The following NEDD4L variants were observed in gnomAD, a reference collection of about 807,000 sequenced individuals.
NEDD4L encodes E3 ubiquitin-protein ligase NEDD4-like.
Under a neutral mutation model 148.9 loss-of-function variants are expected in NEDD4L, and 54 were observed. That is an observed-to-expected ratio of 0.36 (90% CI 0.29 to 0.45). NEDD4L has a LOEUF of 0.45. Ranked by LOEUF, NEDD4L falls within the 20% of genes least tolerant of loss-of-function variation. NEDD4L has a pLI of 1.00. For missense variants in NEDD4L, 856 were observed against 1,233.8 expected (o/e 0.69, Z 4.59); for synonymous variants, 433 against 440.7 (o/e 0.98, Z 0.22).
intron 5 of NEDD4L, among the ~76,000 whole-genome samples, chr18:58,303,100 T>C (rs1289370984): frequency 6.6e-6 from 1 of 152,150 alleles, no homozygotes; most frequent in Non-Finnish European, 1.5e-5. Context: ...CCTGGTGGGT[T>C]TTCCAAATGG....
intron 1 of NEDD4L, among the ~76,000 whole-genome samples, chr18:58,068,474 C>T (rs914816638): frequency 2.0e-5 from 3 of 152,198 alleles, no homozygotes; most frequent in South Asian, 2.1e-4. Flanking sequence ...GCTGGGATTA[C>T]AGGCATGAGC....
At chr18:58,112,989 C>T (rs2085513382) in intron 1 of NEDD4L, among the ~76,000 whole-genome samples, 1 of 152,148 alleles carries the variant, frequency 6.6e-6, no homozygotes, top group South Asian at 2.1e-4. Context: ...CTCCTTCTAC[C>T]ATGTGAGGAT....
At chr18:58,103,513 A>G (rs2084896809) in intron 1 of NEDD4L, among the ~76,000 whole-genome samples, 2 of 152,262 alleles carry the variant, frequency 1.3e-5, no homozygotes, top group South Asian at 2.1e-4. Context: ...TCCGTGGCCA[A>G]TCACAGCACT....
At chr18:58,221,011 A>G (rs914104397) in intron 2 of NEDD4L, among the ~76,000 whole-genome samples, 2 of 152,150 alleles carry the variant, frequency 1.3e-5, no homozygotes. Flanking sequence ...GCAGATTTAC[A>G]GGGCGGGGCT....
intron 1 of NEDD4L, among the ~76,000 whole-genome samples, chr18:58,148,963 A>G (rs2034395363): frequency 6.6e-6 from 1 of 152,220 alleles, no homozygotes; most frequent in African/African-American, 2.4e-5. Context: ...ATGATACACT[A>G]CTGGTGCCTC....
At chr18:58,100,865 G>T (rs868625653) in intron 1 of NEDD4L, among the ~76,000 whole-genome samples, 1 of 152,188 alleles carries the variant, frequency 6.6e-6, no homozygotes, top group African/African-American at 2.4e-5. Flanking sequence ...GGAGTGCAGT[G>T]GTGCGAATAT....
At chr18:58,391,720 C>T (rs2049857127) in intron 30 of NEDD4L, among the ~76,000 whole-genome samples, 161 bp downstream of exon 30, 1 of 152,186 alleles carries the variant, frequency 6.6e-6, no homozygotes, top group Non-Finnish European at 1.5e-5. Flanking sequence ...TACAGTAGTG[C>T]TAATAAGACA....
chr18:58,217,876 A>G (rs1268464776), intron 2 of NEDD4L, among the ~76,000 whole-genome samples: 3 of 152,204 alleles, frequency 2.0e-5, no homozygotes. Context: ...TGCTTTTTAA[A>G]CTATTTTATG....
intron 5 of NEDD4L, among the ~76,000 whole-genome samples, chr18:58,252,497 G>A (rs1167866863): frequency 1.3e-5 from 2 of 152,098 alleles, no homozygotes; most frequent in African/African-American, 4.8e-5. Context: ...AATTAACAAC[G>A]TATAGCAAAA....
rs12959491 is a variant in NEDD4L at position 58,377,220 on chromosome 18, G to A, written c.2352+3951G>A. On this transcript the variant is annotated intron_variant, in intron 24 of 30. Coordinates refer to ENST00000400345, the MANE Select transcript of NEDD4L (RefSeq NM_001144967.3). Reference sequence around the variant, plus strand: ...AAATCTAGGTGTTAGCATGATGCCCGGACAAGCCTCTCACCTCTTTGGCCC... The same window carrying A: ...AAATCTAGGTGTTAGCATGATGCCCAGACAAGCCTCTCACCTCTTTGGCCC... 3.4e-3 allele frequency among the ~76,000 whole-genome samples: 510 copies of A among 152,194 alleles called. 8 individuals are homozygous for A. The highest frequency in any genetic ancestry group is 4.5e-3 in the Non-Finnish European group (306 of 68,022).
intron 5 of NEDD4L, among the ~76,000 whole-genome samples, chr18:58,312,773 C>G (rs2057849224): frequency 6.6e-6 from 1 of 152,170 alleles, no homozygotes; most frequent in African/African-American, 2.4e-5. Context: ...CTCCGCCTCC[C>G]GGGTTCAAGC....
At chr18:58,093,534 A>C (rs1599220219) in intron 1 of NEDD4L, among the ~76,000 whole-genome samples, 1 of 152,054 alleles carries the variant, frequency 6.6e-6, no homozygotes, top group South Asian at 2.1e-4. Flanking sequence ...AACATCTCCC[A>C]CCCCACCCAA....
chr18:58,334,057 C>T, intron 12 of NEDD4L, 165 bp downstream of exon 12: 1 of 495,284 alleles, frequency 2.0e-6, no homozygotes, highest in South Asian at 4.5e-5. Context: ...ATTTCCAATA[C>T]AGAGAATTGT....
intron 1 of NEDD4L, among the ~76,000 whole-genome samples, chr18:58,059,866 A>T (rs1371361033): frequency 6.6e-6 from 1 of 152,214 alleles, no homozygotes; most frequent in East Asian, 1.9e-4. Flanking sequence ...TCGAAATAAC[A>T]TGTACATGAC....
chr18:58,394,764 G>A (rs1381996516), intron 30 of NEDD4L, among the ~76,000 whole-genome samples: 1 of 152,218 alleles, frequency 6.6e-6, no homozygotes, highest in Non-Finnish European at 1.5e-5. Context: ...TCTACGGTAT[G>A]TGTTTCTTTT....
chr18:58,245,637 T>C (rs2047160597), intron 3 of NEDD4L, 129 bp downstream of exon 3: 1 of 449,530 alleles, frequency 2.2e-6, no homozygotes, highest in Admixed American at 4.0e-5. Flanking sequence ...CGTGAGATTA[T>C]AATGGAGCTG....
intron 2 of NEDD4L, among the ~76,000 whole-genome samples, chr18:58,176,413 G>A (rs905462002): frequency 1.3e-5 from 2 of 152,140 alleles, no homozygotes; most frequent in Admixed American, 6.5e-5. Flanking sequence ...ATAGCTCACT[G>A]TAACCTCAAA....
At chr18:58,114,731 GTGTTCC>G (rs2145721397) in intron 1 of NEDD4L, among the ~76,000 whole-genome samples, 1 of 152,304 alleles carries the variant, frequency 6.6e-6, no homozygotes, top group Admixed American at 6.5e-5. Context: ...CGCCAGGGCT[GTGTTCC>G]TCCCGGAGGC....
chr18:58,175,233 G>T (rs2037988611), intron 2 of NEDD4L, among the ~76,000 whole-genome samples: 2 of 152,260 alleles, frequency 1.3e-5, no homozygotes, highest in Non-Finnish European at 2.9e-5. Context: ...CTGCATCTGT[G>T]CAAGGCTGCA....
Sources: allele counts gnomAD v4.1 joint callset (sites outside exome capture counted in the v4.1 genomes callset), GRCh38; gene constraint gnomAD v4.1.1; transcripts MANE v1.5; gene names NCBI Gene and HGNC (gene_info 2026-07-23, HGNC 2026-07-21).